SOX6: variants seen among roughly 807,000 people sequenced by gnomAD.
SOX6 encodes transcription factor SOX-6.
Under a neutral mutation model 97.8 loss-of-function variants are expected in SOX6, and 11 were observed. The observed-to-expected ratio is 0.11, with a 90% CI of 0.07 to 0.19. The LOEUF is 0.19. Ranked by LOEUF, SOX6 falls within the 10% of genes least tolerant of loss-of-function variation. The pLI, the probability that SOX6 is intolerant of heterozygous loss-of-function variation, is 1.00. For synonymous variants in SOX6, 360 were observed against 371.4 expected, an observed-to-expected ratio of 0.97 and a Z score of 0.35; for missense variants, 810 against 1,039.5, an observed-to-expected ratio of 0.78 and a Z score of 3.04.
chr11:16,185,141 C>G lies in SOX6; in HGVS notation c.709-1187G>C, dbSNP rs966096974. Among the ~76,000 whole-genome samples the G allele has an allele frequency of 3.9e-5, 6 of 152,138 alleles. No individual in the cohort carries two copies. The East Asian group carries it at 1.2e-3, about 29-fold the overall frequency. On this transcript the variant is annotated intron_variant, in intron 5 of 15. Transcript: ENST00000683767. ...GCAGTCTGCTTCTAAATGTTGCTTT[C>G]TGATTTTGGATGACAACTGGTTCCT...
intron 9 of SOX6, among the ~76,000 whole-genome samples, chr11:16,091,714 T>G (rs1403538194): frequency 6.6e-6 from 1 of 152,054 alleles, no homozygotes; most frequent in Non-Finnish European, 1.5e-5. Context: ...TTGACAGGTT[T>G]TCTTAGTGCT....
At chr11:16,718,605 C>A (rs988630571) in intron 2 of SOX6, among the ~76,000 whole-genome samples, 4 of 151,908 alleles carry the variant, frequency 2.6e-5, no homozygotes, top group African/African-American at 4.8e-5. Flanking sequence ...TACATATATG[C>A]CAAGAAACAA....
At chr11:16,270,992 C>T (rs529079986) in intron 3 of SOX6, among the ~76,000 whole-genome samples, 2 of 151,364 alleles carry the variant, frequency 1.3e-5, no homozygotes, top group South Asian at 4.2e-4. Context: ...GAATTGTACA[C>T]TTAAAATGGC....
At chr11:16,527,882 G>A (rs548944797) in intron 4 of SOX6, among the ~76,000 whole-genome samples, 8 of 152,038 alleles carry the variant, frequency 5.3e-5, no homozygotes, top group Non-Finnish European at 7.4e-5. Flanking sequence ...TCATTGTGAC[G>A]GCAGCAAAGC....
At chr11:16,100,966 G>A (rs763570886) in intron 7 of SOX6, among the ~76,000 whole-genome samples, 52 of 151,476 alleles carry the variant, frequency 3.4e-4, no homozygotes, top group Admixed American at 2.3e-3. Context: ...TTCTTCAGTC[G>A]CATACCTCAT....
intron 13 of SOX6, among the ~76,000 whole-genome samples, chr11:16,014,257 C>A (rs922177844): frequency 6.6e-6 from 1 of 152,170 alleles, no homozygotes; most frequent in African/African-American, 2.4e-5. Flanking sequence ...GGAAAAGAAG[C>A]GAACAGGCAT....
At chr11:16,566,003 G>A (rs1239603800) in intron 4 of SOX6, among the ~76,000 whole-genome samples, 2 of 151,652 alleles carry the variant, frequency 1.3e-5, no homozygotes, top group Non-Finnish European at 2.9e-5. Context: ...GGCTGAGGCA[G>A]GAGAATGGCG....
At chr11:16,034,577 T>C (rs2055896677) in intron 12 of SOX6, among the ~76,000 whole-genome samples, 1 of 152,210 alleles carries the variant, frequency 6.6e-6, no homozygotes, top group Non-Finnish European at 1.5e-5. Flanking sequence ...AGTACATCCA[T>C]GTGCAAAGTT....
At chr11:16,214,302 C>T (rs1011809508) in intron 4 of SOX6, among the ~76,000 whole-genome samples, 2 of 152,094 alleles carry the variant, frequency 1.3e-5, no homozygotes, top group African/African-American at 4.8e-5. Flanking sequence ...ACAATCTCAC[C>T]CTAGAATCAA....
chr11:16,714,468 T>G (rs1848203905), intron 3 of SOX6, among the ~76,000 whole-genome samples: 1 of 149,292 alleles, frequency 6.7e-6, no homozygotes, highest in East Asian at 1.9e-4. Flanking sequence ...TTTTTTTTTT[T>G]TTTCAGACAG....
At chr11:16,529,752 A>G (rs1163325089) in intron 4 of SOX6, among the ~76,000 whole-genome samples, 1 of 152,080 alleles carries the variant, frequency 6.6e-6, no homozygotes, top group Non-Finnish European at 1.5e-5. Flanking sequence ...GTTCATTCTC[A>G]GGTATCAGTG....
upstream of SOX6, among the ~76,000 whole-genome samples, chr11:16,358,301 C>G (rs1039766540): frequency 1.3e-5 from 2 of 152,096 alleles, no homozygotes; most frequent in African/African-American, 2.4e-5. Flanking sequence ...CTGCCATCAA[C>G]GACTTTCAAA....
At chr11:16,416,260 C>A (rs565409093) in intron 1 of SOX6, among the ~76,000 whole-genome samples, 3 of 152,182 alleles carry the variant, frequency 2.0e-5, no homozygotes, top group African/African-American at 2.4e-5. Flanking sequence ...GACTGAAATG[C>A]CAATTTTTCC....
intron 9 of SOX6, among the ~76,000 whole-genome samples, chr11:16,088,933 G>A (rs1848627590): frequency 6.6e-6 from 1 of 151,990 alleles, no homozygotes; most frequent in Non-Finnish European, 1.5e-5. Context: ...TTTTGTTTTA[G>A]TTCATACCAT....
At chr11:16,142,337 T>G (rs1589968615) in intron 6 of SOX6, among the ~76,000 whole-genome samples, 1 of 151,996 alleles carries the variant, frequency 6.6e-6, no homozygotes, top group South Asian at 2.1e-4. Context: ...ACATCCACAC[T>G]AAAACCCCAT....
At chr11:16,121,192 C>A (rs1235007902) in intron 6 of SOX6, among the ~76,000 whole-genome samples, 1 of 152,040 alleles carries the variant, frequency 6.6e-6, no homozygotes, top group African/African-American at 2.4e-5. Context: ...TTCATTTGTA[C>A]ATGTTCTATT....
chr11:16,498,953 G>A (rs1167285117), intron 4 of SOX6, among the ~76,000 whole-genome samples: 1 of 152,110 alleles, frequency 6.6e-6, no homozygotes, highest in Non-Finnish European at 1.5e-5. Context: ...TCTGCACCAA[G>A]CAGACTTAAT....
At chr11:16,307,642 T>C (rs1332731739) in intron 3 of SOX6, among the ~76,000 whole-genome samples, 3 of 152,208 alleles carry the variant, frequency 2.0e-5, no homozygotes, top group Non-Finnish European at 1.5e-5. Context: ...GGAATCCCAG[T>C]GCACACAGTT....
intron 4 of SOX6, chr11:16,484,554 A>G: frequency 1.3e-6 from 1 of 767,482 alleles, no homozygotes; most frequent in Non-Finnish European, 2.4e-6. Flanking sequence ...AGATGGCAGT[A>G]CCTGACATCA....
Sources: allele counts gnomAD v4.1 joint callset (sites outside exome capture counted in the v4.1 genomes callset), GRCh38; gene constraint gnomAD v4.1.1; transcripts MANE v1.5; gene names NCBI Gene and HGNC (gene_info 2026-07-23, HGNC 2026-07-21).